The following PARP15 variants were observed in gnomAD, a reference collection of about 807,000 sequenced individuals.
PARP15 encodes the protein protein mono-ADP-ribosyltransferase PARP15.
PARP15 carries 50 observed loss-of-function variants against 62.1 expected under a neutral mutation model. That is an observed-to-expected ratio of 0.81 (90% CI 0.64 to 1.02). The LOEUF (loss-of-function observed/expected upper bound fraction) is 1.02, where lower values mean the gene tolerates loss of function less well. Among genes scored for constraint, PARP15 ranks in the 50% least tolerant of loss-of-function variants. The pLI is 0.00. For synonymous variants in PARP15, 309 were observed against 293.1 expected (o/e 1.05, Z -0.55); for missense variants, 820 against 826.5 (o/e 0.99, Z 0.10).
chr3:122,616,891 A>G, intron 5 of PARP15, 124 bp from the exon 6 acceptor site: 1 of 1,056,770 alleles, frequency 9.5e-7, no homozygotes. Context: ...ATGTGGCAAT[A>G]TTTCGGTTTA....
At chr3:122,605,402 T>TA (rs1468468308) in intron 1 of PARP15, among the ~76,000 whole-genome samples, 1 of 152,128 alleles carries the variant, frequency 6.6e-6, no homozygotes, top group Non-Finnish European at 1.5e-5. Flanking sequence ...GGGGAATAAG[T>TA]AAAAAACTCA....
chr3:122,597,444 C>CTGGT (rs1412587102), intron 1 of PARP15, among the ~76,000 whole-genome samples: 1 of 151,998 alleles, frequency 6.6e-6, no homozygotes, highest in Non-Finnish European at 1.5e-5. Context: ...ATGTGCCATG[C>CTGGT]TGGTGTACTG....
rs1307896651 is a variant in PARP15, at chr3:122,613,144, A to G, written c.647A>G (p.Lys216Arg). Residue 216 changes from lysine (K) to arginine (R), a missense_variant, in exon 4 of 12, where the codon AAA (lysine) becomes AGA (arginine). Lys to Arg is a conservative substitution (Grantham distance 26, BLOSUM62 2). Transcript: ENST00000464300. ...MIGTGSLQFP[K>R]AVFAKLILSE... ...GGAACAGGAAGTTTGCAGTTTCCCA[A>G]AGCTGTTTTTGCTAAACTAATCCTT... is the stretch of plus-strand genomic sequence containing the variant. The G allele has an allele frequency of 1.3e-6, 2 of 1,551,638 alleles. No homozygotes were observed. Among genetic ancestry groups the G allele is most frequent in the Non-Finnish European group, 8.7e-7 (1 of 1,146,950 alleles).
intron 1 of PARP15, among the ~76,000 whole-genome samples, chr3:122,590,422 A>G (rs7618438): frequency 0.52 from 78,622 of 151,154 alleles, 20,675 homozygotes; most frequent in African/African-American, 0.58. Context: ...ACAGGCACCC[A>G]GCACCACGCC....
intron 6 of PARP15, 83 bp downstream of exon 6, chr3:122,617,247 G>A (rs1325095538): frequency 5.8e-6 from 8 of 1,388,348 alleles, no homozygotes; most frequent in Non-Finnish European, 8.0e-6. Flanking sequence ...TGCCCTGAGT[G>A]GACAGAGAGT....
Position 122,636,166 on chromosome 3 carries a change from T to C in PARP15, c.*66T>C. 1 of 1,489,760 alleles carries C rather than the reference T, an allele frequency of 6.7e-7. No homozygotes were observed. The highest frequency in any genetic ancestry group is 1.3e-5 in the South Asian group (1 of 78,332). 92.3% of individuals were successfully genotyped at this position (1,489,760 alleles called of 1,614,324 possible). On this transcript the variant is annotated 3_prime_UTR_variant, in exon 12 of 12. Coordinates refer to ENST00000464300, the MANE Select transcript of PARP15 (RefSeq NM_001113523.3). ...AAGAACAACATGCAATCTTTGTCTTTGCTTCTGGCCTGTGTAAGCAGATGA... is the reference window on the plus strand; with the variant it reads ...AAGAACAACATGCAATCTTTGTCTTCGCTTCTGGCCTGTGTAAGCAGATGA...
chr3:122,635,832 C>T lies in PARP15; in HGVS notation c.1769C>T (p.Thr590Ile). Residue 590 changes from threonine (T) to isoleucine (I), a missense_variant, in exon 12 of 12, where the codon ACC becomes ATC. By Grantham distance (89) the Thr-to-Ile change is moderately conservative. This residue lies in a region of PARP15 where 731 missense variants were observed against 727.7 expected (regional missense o/e 1.00). Transcript: ENST00000464300. ...CCAGCTGTATCCTATGGAAAAGGAA[C>T]CTATTTTGCTGTGGATGCCAGTTAT... is the stretch of plus-strand genomic sequence containing the variant. ...GKNAVSYGKG[T>I]YFAVDASYSA... 1 of 1,613,582 alleles carries T rather than the reference C, an allele frequency of 6.2e-7. No individual in the cohort carries two copies. The highest frequency in any genetic ancestry group is 8.5e-7 in the Non-Finnish European group (1 of 1,179,692).
At chr3:122,623,968 A>T (rs936477417) in intron 8 of PARP15, among the ~76,000 whole-genome samples, 1 of 152,134 alleles carries the variant, frequency 6.6e-6, no homozygotes, top group East Asian at 1.9e-4. Context: ...CCTGGCCAAC[A>T]TGTTGAAACC....
chr3:122,633,707 G>C (rs1937189348), intron 10 of PARP15, among the ~76,000 whole-genome samples: 1 of 152,124 alleles, frequency 6.6e-6, no homozygotes, highest in Non-Finnish European at 1.5e-5. Flanking sequence ...TTTTATGTCA[G>C]GGACTTGAGC....
At position 122,636,795 on chromosome 3, in the gene PARP15, G is replaced by C. The variant is rs1323650107; in HGVS notation, c.*695G>C. 2 of 152,216 alleles carry C rather than the reference G, an allele frequency of 1.3e-5. No homozygotes were observed. Among genetic ancestry groups the C allele is most frequent in the African/African-American group, 4.8e-5 (2 of 41,412 alleles). 9.4% of individuals were successfully genotyped at this position (152,216 alleles called of 1,614,324 possible). A position where few individuals can be genotyped will look rare whatever the true frequency, so the allele number is the denominator to read the frequency against. On this transcript the variant is annotated 3_prime_UTR_variant, in exon 12 of 12. Coordinates refer to ENST00000464300, the MANE Select transcript of PARP15 (RefSeq NM_001113523.3). Reference sequence around the variant, plus strand: ...TGAAGTTACAGACAAGATGTCAGGGGATGTGGTCGTTTGAAGGCTTGTCTG... The same window carrying C: ...TGAAGTTACAGACAAGATGTCAGGGCATGTGGTCGTTTGAAGGCTTGTCTG...
At chr3:122,631,031 A>T (rs6791085) in intron 9 of PARP15, among the ~76,000 whole-genome samples, 5,460 of 152,264 alleles carry the variant, frequency 0.036, 304 homozygotes, top group African/African-American at 0.11. Flanking sequence ...AGGGCATGAA[A>T]GGAATAGAAG....
At chr3:122,617,662 T>C (rs1359375935) in intron 6 of PARP15, among the ~76,000 whole-genome samples, 1 of 152,222 alleles carries the variant, frequency 6.6e-6, no homozygotes, top group African/African-American at 2.4e-5. Context: ...ACTCCCATTA[T>C]AGTAACACAT....
chr3:122,625,435 G>T (rs935522528), intron 8 of PARP15, among the ~76,000 whole-genome samples: 1 of 152,074 alleles, frequency 6.6e-6, no homozygotes, highest in South Asian at 2.1e-4. Flanking sequence ...TGTATTTTTA[G>T]TGGTGGCAGG....
In PARP15 at chr3:122,613,034, A is replaced by C. The variant is rs1464002834; in HGVS notation, c.544-7A>C. The stretch of plus-strand genomic sequence containing the variant: ...TAACTTATGTAAATGTACTTTGCAC[A>C]TTTCAGATCATGGCAAATATAATCA... On this transcript the variant is annotated splice_region_variant and splice_polypyrimidine_tract_variant and intron_variant, in intron 3 of 11. Coordinates refer to ENST00000464300, the MANE Select transcript of PARP15 (RefSeq NM_001113523.3). The C allele has an allele frequency of 6.5e-7, 1 of 1,548,524 alleles. No individual in the cohort carries two copies. The highest frequency in any genetic ancestry group is 8.7e-7 in the Non-Finnish European group (1 of 1,144,016).
chr3:122,588,614 C>T (rs920073002), intron 1 of PARP15, among the ~76,000 whole-genome samples: 10 of 152,036 alleles, frequency 6.6e-5, no homozygotes, highest in South Asian at 2.1e-4. Flanking sequence ...ACCATGATTG[C>T]GCCACTGCAC....
At chr3:122,596,475 T>TAGCA (rs1288790694) in intron 1 of PARP15, among the ~76,000 whole-genome samples, 1 of 151,096 alleles carries the variant, frequency 6.6e-6, no homozygotes, top group Non-Finnish European at 1.5e-5. Context: ...TGTCAGCGGA[T>TAGCA]AGCAACTCTA....
intron 1 of PARP15, among the ~76,000 whole-genome samples, chr3:122,601,073 G>A (rs1934764609): frequency 1.2e-5 from 1 of 83,284 alleles, no homozygotes; most frequent in Non-Finnish European, 2.0e-5. Context: ...ACGGAGCCTT[G>A]CTCTGTTACC....
intron 1 of PARP15, among the ~76,000 whole-genome samples, chr3:122,590,729 TTC>T (rs1392576905): frequency 1.3e-5 from 2 of 152,332 alleles, no homozygotes; most frequent in Middle Eastern, 3.4e-3. Flanking sequence ...GTTCCTTTAT[TTC>T]TCTTTCAAAG....
At chr3:122,626,196 C>CTTTTT (rs34106420) in intron 8 of PARP15, among the ~76,000 whole-genome samples, 5 of 122,114 alleles carry the variant, frequency 4.1e-5, no homozygotes, top group African/African-American at 1.6e-4. Flanking sequence ...AGCTGTCACT[C>CTTTTT]TTTTTTTTTT....
Sources: gnomAD v4.1 joint callset for allele counts (sites outside exome capture counted in the v4.1 genomes callset) on GRCh38, gnomAD v4.1.1 for gene constraint, gnomAD v4.1.1 regional missense constraint, MANE v1.5 for transcripts, NCBI Gene and HGNC (gene_info 2026-07-23, HGNC 2026-07-21) for gene names.